ZNF516: variants seen among roughly 807,000 people sequenced by gnomAD.
ZNF516 encodes zinc finger protein 516.
ZNF516 carries 19 observed loss-of-function variants against 79.7 expected under a neutral mutation model. The observed-to-expected ratio is 0.24, with a 90% CI of 0.17 to 0.35. ZNF516 has a LOEUF of 0.35. Among genes scored for constraint, ZNF516 ranks in the 10% least tolerant of loss-of-function variants. The pLI, the probability that ZNF516 is intolerant of heterozygous loss-of-function variation, is 1.00. For synonymous variants in ZNF516, 877 were observed against 739.5 expected, an observed-to-expected ratio of 1.19 and a Z score of -3.02; for missense variants, 1,678 against 1,679.5, an observed-to-expected ratio of 1.00 and a Z score of 0.02.
intron 2 of ZNF516, among the ~76,000 whole-genome samples, chr18:76,456,261 G>T (rs1645843728): frequency 6.6e-6 from 1 of 152,246 alleles, no homozygotes. Flanking sequence ...GGGGCGATGA[G>T]CAGTAGTGCC....
chr18:76,395,797 T>G (rs1023700394), intron 3 of ZNF516, among the ~76,000 whole-genome samples: 2 of 151,950 alleles, frequency 1.3e-5, no homozygotes, highest in Admixed American at 6.6e-5. Context: ...CCAAATGACG[T>G]CACCACCCTG....
chr18:76,493,138 T>A lies in ZNF516; in HGVS notation c.-272+2006A>T, dbSNP rs564526459. The A allele has an allele frequency of 1.0e-6, 1 of 985,196 alleles. No homozygotes were observed. The highest frequency in any genetic ancestry group is 1.2e-6 in the Non-Finnish European group (1 of 829,834). 61.0% of individuals were successfully genotyped at this position (985,196 alleles called of 1,614,324 possible). ...CTCTCCTCCCTACCGTTTCATTTAA[T>A]GGTAAAACAACAGCAGAGCTCTGAA... On this transcript the variant is annotated intron_variant, in intron 1 of 6. Coordinates refer to ENST00000443185, the MANE Select transcript of ZNF516 (RefSeq NM_014643.4). This position sits in a 1 kb window ranked among gnomAD's most constrained non-coding sequence, Gnocchi z 5.2.
intron 6 of ZNF516, among the ~76,000 whole-genome samples, chr18:76,362,769 C>G (rs1308876446): frequency 6.6e-6 from 1 of 152,116 alleles, no homozygotes; most frequent in Non-Finnish European, 1.5e-5. Context: ...GCCTTCCTGC[C>G]TTAAAGAGAG....
At chr18:76,478,154 T>C (rs1310169578) in intron 1 of ZNF516, among the ~76,000 whole-genome samples, 1 of 152,110 alleles carries the variant, frequency 6.6e-6, no homozygotes, top group Admixed American at 6.5e-5. Context: ...TCAGGACAAA[T>C]GAGAGAGTGA....
chr18:76,380,306 A>G lies in ZNF516; in HGVS notation c.1811-3T>C. The G allele has an allele frequency of 6.2e-7, 1 of 1,610,200 alleles. No individual in the cohort carries two copies. Among genetic ancestry groups the G allele is most frequent in the South Asian group, 1.1e-5 (1 of 91,020 alleles). On this transcript the variant is annotated splice_region_variant and splice_polypyrimidine_tract_variant and intron_variant, in intron 3 of 6. Transcript: ENST00000443185. ...GCAGCAGCGGCGCGGCTGTCCCCCTAGAGGAGGCAAAATATGAAACGGGAA... is the reference window on the plus strand; with the variant it reads ...GCAGCAGCGGCGCGGCTGTCCCCCTGGAGGAGGCAAAATATGAAACGGGAA...
chr18:76,442,164 C>T lies in ZNF516; in HGVS notation c.891G>A (p.Ala297=). ...TCTTGCTGCCCGTCTTGGGGCCGTGCGCCTTCATGTGGTTCTTGAGGAACC... is the reference window on the plus strand; with the variant it reads ...TCTTGCTGCCCGTCTTGGGGCCGTGTGCCTTCATGTGGTTCTTGAGGAACC... The part of the protein sequence containing the change: ...EPWFLKNHMK[A]HGPKTGSKNR... Residue 297 remains alanine (A), a synonymous_variant, in exon 3 of 7, where the codon GCG becomes GCA. Transcript: ENST00000443185. 6.2e-7 allele frequency: 1 copy of T among 1,613,922 alleles called. No individual in the cohort carries two copies. Among genetic ancestry groups the T allele is most frequent in the Non-Finnish European group, 8.5e-7 (1 of 1,179,888 alleles).
intron 1 of ZNF516, among the ~76,000 whole-genome samples, chr18:76,466,169 G>T (rs918981149): frequency 2.6e-5 from 4 of 152,096 alleles, no homozygotes; most frequent in African/African-American, 9.7e-5. Context: ...GTTAATTCAG[G>T]CTCCGGGAGA....
chr18:76,366,468 T>C (rs1281232565), intron 6 of ZNF516, among the ~76,000 whole-genome samples: 1 of 152,150 alleles, frequency 6.6e-6, no homozygotes, highest in Non-Finnish European at 1.5e-5. Context: ...CTTTAATGAA[T>C]AATTAACGAC....
At chr18:76,374,653 G>A (rs1278619272) in intron 4 of ZNF516, among the ~76,000 whole-genome samples, 2 of 152,170 alleles carry the variant, frequency 1.3e-5, no homozygotes, top group Non-Finnish European at 2.9e-5. Context: ...CACACTTCTA[G>A]CACCCACAAC....
At chr18:76,476,359 A>G (rs568221665) in intron 1 of ZNF516, among the ~76,000 whole-genome samples, 2 of 152,372 alleles carry the variant, frequency 1.3e-5, no homozygotes, top group East Asian at 3.9e-4. Context: ...AGATAAACAA[A>G]GAGTAAAGCC....
chr18:76,372,040 G>A (rs1291717739), intron 4 of ZNF516, among the ~76,000 whole-genome samples: 1 of 152,146 alleles, frequency 6.6e-6, no homozygotes, highest in East Asian at 1.9e-4. Flanking sequence ...GCGGCCACAG[G>A]GTGGCCCCAC....
At chr18:76,476,521 G>T (rs9964539) in intron 1 of ZNF516, among the ~76,000 whole-genome samples, 152,384 of 152,384 alleles carry the variant, frequency 1, 76,192 homozygotes, top group Non-Finnish European at 1. Context: ...AATAGGATTG[G>T]TCTTAGCTAC....
Position 76,358,738 on chromosome 18 carries a change from C to CT in ZNF516, c.*3759dup, listed in dbSNP as rs1191489186. The CT allele has an allele frequency of 3.3e-5, 5 of 152,328 alleles. No individual in the cohort carries two copies. Among genetic ancestry groups the CT allele is most frequent in the Admixed American group, 2.6e-4 (4 of 15,306 alleles). The allele number at this position is 152,328 out of a possible 1,614,324, so 9.4% of individuals were successfully genotyped here. On this transcript the variant is annotated 3_prime_UTR_variant, in exon 7 of 7. Coordinates refer to ENST00000443185, the MANE Select transcript of ZNF516 (RefSeq NM_014643.4). ...TCCTTTTTCTACAGCTTGGAAACCT[C>CT]TGAGAATTTGCTGGGGGTGGCAGAG...
upstream of ZNF516, chr18:76,495,701 T>A: frequency 8.4e-7 from 1 of 1,189,960 alleles, no homozygotes; most frequent in South Asian, 1.4e-5. Flanking sequence ...CGTACAGACG[T>A]GCTCGGGATG....
At position 76,379,347 on chromosome 18, in the gene ZNF516, C is replaced by G; in HGVS notation, c.2767G>C (p.Gly923Arg). 1 of 1,593,070 alleles carries G rather than the reference C, an allele frequency of 6.3e-7. No individual in the cohort carries two copies. Among genetic ancestry groups the G allele is most frequent in the South Asian group, 1.1e-5 (1 of 88,520 alleles). The change falls in exon 4 of 7, where the codon GGG (glycine) becomes CGG (arginine). Residue 923 changes from glycine (G) to arginine (R), a missense_variant. Transcript: ENST00000443185. Reference sequence around the variant, plus strand: ...GGGGTGGCGCTCCTGCTGAAGCCCCCGCCACCCGGGGCAGGCACCGGTTTG... The same window carrying G: ...GGGGTGGCGCTCCTGCTGAAGCCCCGGCCACCCGGGGCAGGCACCGGTTTG... ...SSKPVPAPGGGGFSRSATPTP... is the reference protein window; with the variant it reads ...SSKPVPAPGGRGFSRSATPTP...
At chr18:76,488,332 C>A in intron 1 of ZNF516, 1 of 887,026 alleles carries the variant, frequency 1.1e-6, no homozygotes. Context: ...AATTCGCAGG[C>A]AGCCAGGAAA....
intron 2 of ZNF516, among the ~76,000 whole-genome samples, chr18:76,460,317 A>C (rs9956952): frequency 0.066 from 10,123 of 152,230 alleles, 341 homozygotes; most frequent in African/African-American, 0.088. Flanking sequence ...ACATCCCTCG[A>C]CAAGGCTGTG....
At chr18:76,485,753 C>T (rs1460423894) in intron 1 of ZNF516, among the ~76,000 whole-genome samples, 1 of 151,888 alleles carries the variant, frequency 6.6e-6, no homozygotes, top group Non-Finnish European at 1.5e-5. Context: ...GTAAACAAAA[C>T]ACAGCCTAAG....
intron 3 of ZNF516, among the ~76,000 whole-genome samples, chr18:76,426,573 T>G (rs2075595468): frequency 6.6e-6 from 1 of 152,134 alleles, no homozygotes. Context: ...AATCCACAGT[T>G]AACCAGGAAT....
Sources: allele counts gnomAD v4.1 joint callset (sites outside exome capture counted in the v4.1 genomes callset), GRCh38; gene constraint gnomAD v4.1.1; non-coding constraint Gnocchi (gnomAD v3.1); transcripts MANE v1.5; gene names NCBI Gene and HGNC (gene_info 2026-07-23, HGNC 2026-07-21).